The following CLCN4 variants were observed in gnomAD, a reference collection of about 807,000 sequenced individuals.
The protein encoded by CLCN4 is Cl-/H+ antiporter 4, also known as H(+)/Cl(-) exchange transporter 4.
In CLCN4, 1 loss-of-function variant was observed where a neutral mutation model predicts 41.7. The observed-to-expected ratio is 0.02, with a 90% CI of 0.01 to 0.11. The LOEUF (loss-of-function observed/expected upper bound fraction) is 0.11. CLCN4 is among the 10% of genes least tolerant of loss of function. The probability of loss-of-function intolerance (pLI) is 1.00; values close to 1 mark genes in which losing one functional copy is unlikely to be tolerated. For synonymous variants in CLCN4, 277 were observed against 285.8 expected, an observed-to-expected ratio of 0.97 and a Z score of 0.31; for missense variants, 287 against 661.0, an observed-to-expected ratio of 0.43 and a Z score of 6.20.
Position 10,163,363 on chromosome X carries a change from A to ATTT in CLCN4, c.-12+4823_-12+4825dup, listed in dbSNP as rs34955324. On this transcript the variant is annotated intron_variant, in intron 2 of 12. Coordinates refer to ENST00000380833, the MANE Select transcript of CLCN4 (RefSeq NM_001830.4). ...GTGGGTGGCTTTTTTATGTGCAGGA[A>ATTT]TTTTTTTTTTTTTGTGATAAGTATT... Among the ~76,000 whole-genome samples the ATTT allele has an allele frequency of 3.9e-3, 380 of 98,671 alleles. 2 individuals are homozygous for ATTT. Among genetic ancestry groups the ATTT allele is most frequent in the African/African-American group, 0.013 (350 of 26,824 alleles). 85.7% of individuals were successfully genotyped at this position (98,671 alleles called of 115,157 possible).
Position 10,208,505 on chromosome X carries a change from G to A in CLCN4, c.1304G>A (p.Gly435Asp). The change falls in exon 9 of 13, where the codon GGT becomes GAT. Residue 435 changes from glycine to aspartate, a missense_variant. By Grantham distance (94) the Gly-to-Asp change is moderately conservative (BLOSUM62 -1). Coordinates refer to ENST00000380833, the MANE Select transcript of CLCN4 (RefSeq NM_001830.4). ...PVDDIPDRPA[G>D]VGVYTAMWQL... is the part of the protein sequence containing the mutation. The stretch of plus-strand genomic sequence containing the variant: ...GATGACATTCCAGACCGGCCGGCTG[G>A]TGTCGGTGTTTACACGGCCATGTGG... 8.3e-7 allele frequency: 1 copy of A among 1,211,439 alleles called. No homozygotes were observed. Among genetic ancestry groups the A allele is most frequent in the South Asian group, 1.8e-5 (1 of 56,985 alleles).
At position 10,220,650 on chromosome X, in the gene CLCN4, C is replaced by T. The variant is rs752317878; in HGVS notation, c.1976-11C>T. 11 of 1,200,153 alleles carry T rather than the reference C, an allele frequency of 9.2e-6. No individual in the cohort carries two copies. In the South Asian group the frequency reaches 1.1e-4, roughly 12 times the overall value. On this transcript the variant is annotated splice_polypyrimidine_tract_variant and intron_variant, in intron 11 of 12. Transcript: ENST00000380833. ...TTGTGTGGCTCATTGTTCCTGCTCA[C>T]CCCATTCTAGAGAACGCCAGACAGA...
At chrX:10,190,202 C>A (rs949549347) in intron 4 of CLCN4, among the ~76,000 whole-genome samples, 4 of 111,283 alleles carry the variant, frequency 3.6e-5, no homozygotes, top group African/African-American at 1.3e-4. Context: ...TTGTATATTT[C>A]AAAATTGCTA....
chrX:10,235,495 C>T lies in CLCN4; in HGVS notation c.*1911C>T, dbSNP rs897867034. On this transcript the variant is annotated 3_prime_UTR_variant, in exon 13 of 13. Coordinates refer to ENST00000380833, the MANE Select transcript of CLCN4 (RefSeq NM_001830.4). Reference sequence around the variant, plus strand: ...TGCCATCATCGTGTCCTTGTCATTGCCCTTCCGGTTTTCATTCTTGCTAAA... The same window carrying T: ...TGCCATCATCGTGTCCTTGTCATTGTCCTTCCGGTTTTCATTCTTGCTAAA... The T allele has an allele frequency of 9.0e-6, 1 of 111,612 alleles. No homozygotes were observed. The highest frequency in any genetic ancestry group is 1.9e-5 in the Non-Finnish European group (1 of 53,131). The allele number at this position is 111,612 out of a possible 1,213,427, so 9.2% of individuals were successfully genotyped here. A position where few individuals can be genotyped will look rare whatever the true frequency, so the allele number is the denominator to read the frequency against.
intron 9 of CLCN4, among the ~76,000 whole-genome samples, chrX:10,210,249 T>A (rs1924509598): frequency 8.9e-6 from 1 of 112,141 alleles, no homozygotes; most frequent in Non-Finnish European, 1.9e-5. Context: ...TTGATGGACA[T>A]TTGTGTTGTT....
intron 12 of CLCN4, among the ~76,000 whole-genome samples, chrX:10,228,217 C>T (rs1289965163): frequency 1.8e-5 from 2 of 110,216 alleles, no homozygotes; most frequent in Non-Finnish European, 3.8e-5. Context: ...TAACCATCCT[C>T]CATCCCCTCC....
intron 2 of CLCN4, among the ~76,000 whole-genome samples, chrX:10,166,730 G>A (rs1340231173): frequency 6.2e-5 from 7 of 112,528 alleles, no homozygotes; most frequent in Middle Eastern, 4.6e-3. Flanking sequence ...GTACAAAGGC[G>A]TTGTGACTAT....
chrX:10,180,698 C>T (rs957093761), intron 2 of CLCN4, among the ~76,000 whole-genome samples: 1 of 87,628 alleles, frequency 1.1e-5, no homozygotes, highest in Non-Finnish European at 2.1e-5. Flanking sequence ...ACCCAGGAGG[C>T]GGAGGTTGCG....
rs2147179695 is a variant in CLCN4, at chrX:10,208,404, G to C, written c.1203G>C (p.Leu401=). ...RQSTSELISE[L]FNDCGALESS... ...GCACCAGCGAGCTCATTTCTGAGCT[G>C]TTCAATGACTGTGGAGCCCTTGAGT... The change falls in exon 9 of 13, where the codon CTG becomes CTC. Residue 401 remains leucine, a synonymous_variant. Transcript: ENST00000380833. The C allele has an allele frequency of 8.3e-7, 1 of 1,211,294 alleles. No individual in the cohort carries two copies. Among genetic ancestry groups the C allele is most frequent in the African/African-American group, 1.7e-5 (1 of 57,702 alleles).
At chrX:10,188,381 A>G (rs1923868060) in intron 4 of CLCN4, among the ~76,000 whole-genome samples, 1 of 112,402 alleles carries the variant, frequency 8.9e-6, no homozygotes, top group Non-Finnish European at 1.9e-5. Context: ...CATGCTAGAC[A>G]CCCACGGGAG....
intron 2 of CLCN4, among the ~76,000 whole-genome samples, chrX:10,158,756 G>A (rs1923020538): frequency 8.8e-6 from 1 of 113,493 alleles, no homozygotes. Flanking sequence ...GCAGGCCCAC[G>A]CGTGACTTGG....
chrX:10,185,359 G>T (rs189755234), intron 3 of CLCN4, among the ~76,000 whole-genome samples, 183 bp downstream of exon 3: 1 of 111,993 alleles, frequency 8.9e-6, no homozygotes, highest in East Asian at 2.8e-4. Flanking sequence ...GCTTTGGGCA[G>T]GACGTTGTGT....
intron 4 of CLCN4, among the ~76,000 whole-genome samples, chrX:10,194,661 A>G (rs1310994384): frequency 8.9e-6 from 1 of 112,252 alleles, no homozygotes; most frequent in Non-Finnish European, 1.9e-5. Context: ...TCTCCTACCC[A>G]GTTCAAGCTA....
intron 2 of CLCN4, among the ~76,000 whole-genome samples, chrX:10,183,651 A>G (rs1213001180): frequency 3.6e-5 from 4 of 111,995 alleles, no homozygotes; most frequent in African/African-American, 9.7e-5. Flanking sequence ...AGCATTTTCT[A>G]CAGCTGAAAT....
At chrX:10,200,583 A>G (rs1196971502) in intron 6 of CLCN4, among the ~76,000 whole-genome samples, 1 of 112,665 alleles carries the variant, frequency 8.9e-6, no homozygotes, top group Non-Finnish European at 1.9e-5. Context: ...TTCGAATATC[A>G]GTTCTATCTT....
intron 6 of CLCN4, among the ~76,000 whole-genome samples, chrX:10,200,867 T>C (rs1225574002): frequency 9.0e-6 from 1 of 111,097 alleles, no homozygotes; most frequent in Non-Finnish European, 1.9e-5. Context: ...TTTTGTACTT[T>C]TTGTAAAGGT....
intron 6 of CLCN4, among the ~76,000 whole-genome samples, chrX:10,204,870 A>G (rs764671761): frequency 4.2e-4 from 46 of 110,378 alleles, no homozygotes; most frequent in Non-Finnish European, 7.4e-4. Context: ...AAAAGCATAC[A>G]TGTTTATTTA....
At position 10,234,333 on chromosome X, in the gene CLCN4, A is replaced by C. The variant is rs192299119; in HGVS notation, c.*749A>C. On this transcript the variant is annotated 3_prime_UTR_variant, in exon 13 of 13. Transcript: ENST00000380833. ...CTGCGGTGTGTCTCCTCCCATACAA[A>C]GGGACACATCCTTATTTTGAGGGTA... is the stretch of plus-strand genomic sequence containing the variant. The C allele has an allele frequency of 8.9e-6, 1 of 112,812 alleles. No individual in the cohort carries two copies. Among genetic ancestry groups the C allele is most frequent in the Non-Finnish European group, 1.9e-5 (1 of 53,268 alleles). The allele number at this position is 112,812 out of a possible 1,213,427, so 9.3% of individuals were successfully genotyped here. A position where few individuals can be genotyped will look rare whatever the true frequency, so the allele number is the denominator to read the frequency against.
chrX:10,183,251 T>G (rs1436757430), intron 2 of CLCN4, among the ~76,000 whole-genome samples: 1 of 112,138 alleles, frequency 8.9e-6, no homozygotes, highest in African/African-American at 3.2e-5. Context: ...TTGGCATGGC[T>G]CAAACCTCAA....
Sources: gnomAD v4.1 joint callset for allele counts (sites outside exome capture counted in the v4.1 genomes callset) on GRCh38, gnomAD v4.1.1 for gene constraint, MANE v1.5 for transcripts, NCBI Gene and HGNC (gene_info 2026-07-23, HGNC 2026-07-21) for gene names.